The following DNHD1 variants were observed in gnomAD, a reference collection of about 807,000 sequenced individuals.
DNHD1 encodes the protein dynein heavy chain domain 1.
DNHD1 carries 383 observed loss-of-function variants against 458.1 expected under a neutral mutation model. The ratio of observed to expected loss-of-function variants is 0.84; its 90% CI spans 0.77 to 0.91. The LOEUF (loss-of-function observed/expected upper bound fraction) is 0.91, where lower values mean the gene tolerates loss of function less well. Ranked by LOEUF, DNHD1 falls within the 40% of genes least tolerant of loss-of-function variation. The probability of loss-of-function intolerance (pLI) is 0.00; values close to 1 mark genes in which losing one functional copy is unlikely to be tolerated. For missense variants in DNHD1, 5,336 were observed against 5,866.1 expected, an observed-to-expected ratio of 0.91 and a Z score of 2.95; for synonymous variants, 2,203 against 2,376.9, an observed-to-expected ratio of 0.93 and a Z score of 2.13.
Position 6,571,381 on chromosome 11 carries a change from G to T in DNHD1, c.13869G>T (p.Gln4623His). The T allele has an allele frequency of 6.2e-7, 1 of 1,611,298 alleles. No individual in the cohort carries two copies. The highest frequency in any genetic ancestry group is 1.1e-5 in the South Asian group (1 of 90,646). Residue 4623 changes from glutamine (Q) to histidine (H), a missense_variant, in exon 42 of 43, where the codon CAG (glutamine) becomes CAT (histidine). Physicochemically the swap from Gln to His is conservative, Grantham distance 24 (BLOSUM62 0). Coordinates refer to ENST00000254579, the MANE Select transcript of DNHD1 (RefSeq NM_144666.3). The surrounding 1 kb of genome is among the most constrained non-coding windows in gnomAD (Gnocchi z 5.0). ...GAGGCTCGGTCTCCAGTCAGCTCCA[G>T]TATAAACGTCTGGAGATGAACAGCA... ...GSRGSVSSQLQYKRLEMNSNP... is the reference protein window; with the variant it reads ...GSRGSVSSQLHYKRLEMNSNP...
chr11:6,563,420 G>A lies in DNHD1; in HGVS notation c.9708G>A (p.Gln3236=), dbSNP rs1381815548. The change falls in exon 30 of 43, where the codon CAG becomes CAA. Residue 3236 remains glutamine, a synonymous_variant. Transcript: ENST00000254579. ...KAFLEPLSQL[Q]VADFEEIRSY... is the part of the protein sequence containing the mutation. ...TTCTGGAGCCTCTGAGCCAGCTGCA[G>A]GTGGCTGACTTTGAGGAGATACGGA... 1 of 1,551,716 alleles carries A rather than the reference G, an allele frequency of 6.4e-7. No individual in the cohort carries two copies. Among genetic ancestry groups the A allele is most frequent in the African/African-American group, 1.4e-5 (1 of 73,142 alleles).
chr11:6,562,413 G>A (rs142253531), intron 28 of DNHD1, among the ~76,000 whole-genome samples: 1 of 152,304 alleles, frequency 6.6e-6, no homozygotes, highest in African/African-American at 2.4e-5. Context: ...TATGGGGCAG[G>A]GAGGGAACCT....
chr11:6,506,636 AT>A (rs1165862717), intron 4 of DNHD1, among the ~76,000 whole-genome samples: 1 of 152,106 alleles, frequency 6.6e-6, no homozygotes. Context: ...TTAGGAGAGA[AT>A]TTATTCCTTC....
In DNHD1 at chr11:6,564,404, T is replaced by G. The variant is rs1564822928; in HGVS notation, c.10356T>G (p.Gly3452=). The G allele has an allele frequency of 6.4e-7, 1 of 1,551,584 alleles. No homozygotes were observed. The highest frequency in any genetic ancestry group is 2.4e-5 in the East Asian group (1 of 40,908). ...LLCSAAIIYL[G]PFPPLRRQEL... is the part of the protein sequence containing the mutation. ...GTTCAGCTGCCATCATCTACCTGGG[T>G]CCCTTCCCACCATTGCGGCGCCAAG... Residue 3452 remains glycine (G), a synonymous_variant, in exon 32 of 43, where the codon GGT becomes GGG. Coordinates refer to ENST00000254579, the MANE Select transcript of DNHD1 (RefSeq NM_144666.3).
chr11:6,569,988 C>T (rs1272410811), intron 39 of DNHD1, 21 bp from the exon 40 acceptor site: 1 of 1,607,984 alleles, frequency 6.2e-7, no homozygotes, highest in African/African-American at 1.3e-5. Context: ...TGAAACCCTG[C>T]TTTCCGCTCC....
intron 7 of DNHD1, among the ~76,000 whole-genome samples, chr11:6,519,138 A>G (rs549492996): frequency 6.6e-6 from 1 of 152,314 alleles, no homozygotes; most frequent in Admixed American, 6.5e-5. Flanking sequence ...AGTCTATATC[A>G]GTGCCCAGAA....
Position 6,548,872 on chromosome 11 carries a change from T to C in DNHD1, c.7326T>C (p.His2442=). The C allele has an allele frequency of 6.4e-7, 1 of 1,551,718 alleles. No individual in the cohort carries two copies. Among genetic ancestry groups the C allele is most frequent in the Non-Finnish European group, 8.7e-7 (1 of 1,146,996 alleles). ...CACAAGCCAGCCCACAGCCTGGGCA[T>C]CACCAGGATTCTAAACCCTCCCTCC... is the stretch of plus-strand genomic sequence containing the variant. The part of the protein sequence containing the change: ...GQTQASPQPG[H]HQDSKPSLLF... The change falls in exon 24 of 43, where the codon CAT becomes CAC. Residue 2442 remains histidine, a synonymous_variant. Coordinates refer to ENST00000254579, the MANE Select transcript of DNHD1 (RefSeq NM_144666.3). The surrounding 1 kb of genome is among the most constrained non-coding windows in gnomAD (Gnocchi z 4.4).
rs780685869 is a variant in DNHD1 at position 6,570,854 on chromosome 11, C to T, written c.13342C>T (p.Arg4448Trp). 4 of 1,613,926 alleles carry T rather than the reference C, an allele frequency of 2.5e-6. No individual in the cohort carries two copies. Among genetic ancestry groups the T allele is most frequent in the Non-Finnish European group, 2.5e-6 (3 of 1,179,908 alleles). ...GCGGCAACGCCTAGTGCAAGTCAAC[C>T]GGAGGCTGGAGTCACTGCAGGATCT... The part of the protein sequence containing the change: ...RLRQRLVQVN[R>W]RLESLQDLLT... Residue 4448 changes from arginine to tryptophan, a missense_variant, in exon 42 of 43, where the codon CGG (arginine) becomes TGG (tryptophan). This residue lies in a region of DNHD1 where 698 missense variants were observed against 664.9 expected (regional missense o/e 1.05). Transcript: ENST00000254579.
chr11:6,568,018 A>G, intron 36 of DNHD1, 38 bp from the exon 37 acceptor site: 1 of 1,528,624 alleles, frequency 6.5e-7, no homozygotes, highest in Non-Finnish European at 8.8e-7. Context: ...CCCTAGGATC[A>G]CTTTGAGTCA....
At position 6,505,658 on chromosome 11, in the gene DNHD1, T is replaced by C. The variant is rs1305050806; in HGVS notation, c.920+2732T>C. On this transcript the variant is annotated intron_variant, in intron 4 of 42. Transcript: ENST00000254579. This position sits in a 1 kb window ranked among gnomAD's most constrained non-coding sequence, Gnocchi z 4.4. ...GGACCCTGACTAACACGGTACTTGG[T>C]ATTATGAGTGGTCCCAGGAAACTAG... Among the ~76,000 whole-genome samples the C allele has an allele frequency of 6.6e-6, 1 of 152,216 alleles. No individual in the cohort carries two copies. Among genetic ancestry groups the C allele is most frequent in the African/African-American group, 2.4e-5 (1 of 41,448 alleles).
Position 6,533,869 on chromosome 11 carries a change from A to G in DNHD1, c.2694A>G (p.Leu898=). The change falls in exon 14 of 43, where the codon CTA becomes CTG. Residue 898 remains leucine, a synonymous_variant. Coordinates refer to ENST00000254579, the MANE Select transcript of DNHD1 (RefSeq NM_144666.3). ...PPCPPPPQPH[L]LHCPLLAPQL... ...GCCCTCCTCCCCCACAACCACATCT[A>G]CTCCACTGCCCTCTGCTTGCCCCAC... 6.5e-7 allele frequency: 1 copy of G among 1,549,074 alleles called. No individual in the cohort carries two copies. The highest frequency in any genetic ancestry group is 8.7e-7 in the Non-Finnish European group (1 of 1,146,286).
At chr11:6,502,529 G>T (rs977531415) in intron 3 of DNHD1, among the ~76,000 whole-genome samples, 1 of 152,134 alleles carries the variant, frequency 6.6e-6, no homozygotes, top group Admixed American at 6.5e-5. Context: ...TCACACACAT[G>T]TTTGTGTCAA....
At chr11:6,517,744 AG>A (rs1214327065) in intron 7 of DNHD1, among the ~76,000 whole-genome samples, 2 of 143,908 alleles carry the variant, frequency 1.4e-5, no homozygotes, top group Non-Finnish European at 3.0e-5. Flanking sequence ...ACCTCCCCAA[AG>A]ACTCCACCTC....
intron 12 of DNHD1, among the ~76,000 whole-genome samples, chr11:6,531,881 A>G (rs1852835373): frequency 6.6e-6 from 1 of 152,164 alleles, no homozygotes; most frequent in East Asian, 1.9e-4. Context: ...TTATAAACAT[A>G]TATTTTTATG....
Position 6,546,754 on chromosome 11 carries a change from G to A in DNHD1, c.5815G>A (p.Ala1939Thr), listed in dbSNP as rs1343060018. Reference sequence around the variant, plus strand: ...GCTGTTGTGTGCGCTTTTCCCTAGCGCCAGCCAAGTGCTGGCAGAACCTAT... The same window carrying A: ...GCTGTTGTGTGCGCTTTTCCCTAGCACCAGCCAAGTGCTGGCAGAACCTAT... ...RGLLCALFPS[A>T]SQVLAEPMTY... The change falls in exon 21 of 43, where the codon GCC (alanine) becomes ACC (threonine). Residue 1939 changes from alanine (A) to threonine (T), a missense_variant. Coordinates refer to ENST00000254579, the MANE Select transcript of DNHD1 (RefSeq NM_144666.3). 7 of 1,551,660 alleles carry A rather than the reference G, an allele frequency of 4.5e-6. No homozygotes were observed. Among genetic ancestry groups the A allele is most frequent in the African/African-American group, 2.7e-5 (2 of 73,040 alleles).
rs1363936527 is a variant in DNHD1, at chr11:6,545,123, G to C, written c.4184G>C (p.Ser1395Thr). The change falls in exon 21 of 43, where the codon AGC becomes ACC. Residue 1395 changes from serine to threonine, a missense_variant. Around this residue, in one of 4 missense-constraint regions of DNHD1, gnomAD observed 3,932 missense variants for 4,365.6 expected, o/e 0.90. Coordinates refer to ENST00000254579, the MANE Select transcript of DNHD1 (RefSeq NM_144666.3). The surrounding 1 kb of genome is among the most constrained non-coding windows in gnomAD (Gnocchi z 4.9). ...RRCFPHVHAV[S>T]FRSCPTGEKN... ...TGCTTTCCTCATGTGCATGCTGTGA[G>C]CTTCAGGTCTTGCCCAACTGGTGAG... The C allele has an allele frequency of 6.4e-7, 1 of 1,552,188 alleles. No individual in the cohort carries two copies. Among genetic ancestry groups the C allele is most frequent in the African/African-American group, 1.4e-5 (1 of 73,182 alleles).
Position 6,568,540 on chromosome 11 carries a change from C to T in DNHD1, c.12625C>T (p.Leu4209Phe), listed in dbSNP as rs531151356. Residue 4209 changes from leucine to phenylalanine, a missense_variant, in exon 38 of 43, where the codon CTT (leucine) becomes TTT (phenylalanine). Around this residue, in one of 4 missense-constraint regions of DNHD1, gnomAD observed 695 missense variants for 804.2 expected, o/e 0.86. Coordinates refer to ENST00000254579, the MANE Select transcript of DNHD1 (RefSeq NM_144666.3). The part of the protein sequence containing the change: ...STVHRDFRLW[L>F]IVPAESSASL... ...TGTTCACAGAGATTTTCGTCTTTGG[C>T]TTATTGTGCCTGCAGAGTCTAGTGC... is the stretch of plus-strand genomic sequence containing the variant. The T allele has an allele frequency of 3.1e-6, 5 of 1,614,004 alleles. No individual in the cohort carries two copies. The highest frequency in any genetic ancestry group is 1.3e-5 in the African/African-American group (1 of 75,062).
intron 7 of DNHD1, among the ~76,000 whole-genome samples, chr11:6,511,648 T>C (rs1011514374): frequency 6.6e-6 from 1 of 152,198 alleles, no homozygotes; most frequent in African/African-American, 2.4e-5. Context: ...TCCCTAAGGG[T>C]TGATCTTGAC....
chr11:6,520,358 T>C, intron 10 of DNHD1, 69 bp downstream of exon 10: 1 of 1,550,538 alleles, frequency 6.4e-7, no homozygotes. Context: ...ACTAATGGCA[T>C]GGGAAGAAGG....
Sources: gnomAD v4.1 joint callset for allele counts (sites outside exome capture counted in the v4.1 genomes callset) on GRCh38, gnomAD v4.1.1 for gene constraint, gnomAD v4.1.1 regional missense constraint, Gnocchi (gnomAD v3.1) non-coding constraint, MANE v1.5 for transcripts, NCBI Gene and HGNC (gene_info 2026-07-23, HGNC 2026-07-21) for gene names.